COL11A1: variants seen among roughly 807,000 people sequenced by gnomAD.
COL11A1 encodes collagen alpha-1(XI) chain.
Under a neutral mutation model 265.2 loss-of-function variants are expected in COL11A1, and 74 were observed. The observed-to-expected ratio is 0.28, with a 90% CI of 0.23 to 0.34. The LOEUF is 0.34. COL11A1 is among the 10% of genes least tolerant of loss of function. The pLI, the probability that COL11A1 is intolerant of heterozygous loss-of-function variation, is 1.00. For synonymous variants in COL11A1, 816 were observed against 727.6 expected (o/e 1.12, Z -1.96); for missense variants, 2,165 against 2,263.6 (o/e 0.96, Z 0.88).
intron 28 of COL11A1, among the ~76,000 whole-genome samples, chr1:102,991,462 C>G (rs1664123412): frequency 6.6e-6 from 1 of 152,154 alleles, no homozygotes; most frequent in African/African-American, 2.4e-5. Flanking sequence ...CCCTTCTTCA[C>G]TTCTTCAGTC....
chr1:102,971,029 A>AC (rs1553221971), intron 36 of COL11A1, among the ~76,000 whole-genome samples: 25 of 146,794 alleles, frequency 1.7e-4, no homozygotes, highest in African/African-American at 2.5e-4. Flanking sequence ...AAACAAACAA[A>AC]AAAAAACCAA....
At chr1:102,964,543 TAC>T (rs1661214776) in intron 38 of COL11A1, among the ~76,000 whole-genome samples, 2 of 152,038 alleles carry the variant, frequency 1.3e-5, no homozygotes, top group African/African-American at 4.8e-5. Context: ...GCTTCTGTTA[TAC>T]ATATTCCTAA....
At chr1:102,992,710 G>A (rs1394400280) in intron 28 of COL11A1, among the ~76,000 whole-genome samples, 1 of 151,828 alleles carries the variant, frequency 6.6e-6, no homozygotes. Context: ...TTTACTACTT[G>A]ATTGGTATAT....
Position 102,995,891 on chromosome 1 carries a change from T to C in COL11A1, c.2313A>G (p.Arg771=). Residue 771 remains arginine, a synonymous_variant, in exon 28 of 67, where the codon AGA becomes AGG. Coordinates refer to ENST00000370096, the MANE Select transcript of COL11A1 (RefSeq NM_001854.4). ...PRGVKGADGV[R]GLKGSKGEKG... ...TTTCACCTTTAGATCCCTTGAGACC[T>C]CTGACACCATCTGCTCCCTGTGGAA... 6.2e-7 allele frequency: 1 copy of C among 1,611,526 alleles called. No homozygotes were observed. The highest frequency in any genetic ancestry group is 1.1e-5 in the South Asian group (1 of 91,026).
At chr1:102,983,828 C>T (rs1663269766) in intron 31 of COL11A1, among the ~76,000 whole-genome samples, 2 of 149,256 alleles carry the variant, frequency 1.3e-5, no homozygotes, top group Admixed American at 6.7e-5. Context: ...AATCAAAAGC[C>T]GTTATGCATC....
chr1:102,903,189 GA>G (rs950943250), intron 54 of COL11A1, among the ~76,000 whole-genome samples: 111 of 152,022 alleles, frequency 7.3e-4, no homozygotes, highest in African/African-American at 2.6e-3. Context: ...GTCCCTTAAG[GA>G]AATATACATT....
chr1:102,899,212 A>T (rs1378396028), intron 54 of COL11A1, among the ~76,000 whole-genome samples: 2 of 152,118 alleles, frequency 1.3e-5, no homozygotes, highest in Non-Finnish European at 2.9e-5. Context: ...AGTATACAAC[A>T]ATCACTTCAC....
intron 5 of COL11A1, among the ~76,000 whole-genome samples, chr1:103,026,786 A>G (rs530409968): frequency 6.6e-6 from 1 of 152,218 alleles, no homozygotes; most frequent in South Asian, 2.1e-4. Flanking sequence ...TAGTCTTCCT[A>G]AGTATGAAAG....
chr1:102,926,795 A>T (rs1486557980), intron 46 of COL11A1, among the ~76,000 whole-genome samples: 2 of 152,178 alleles, frequency 1.3e-5, no homozygotes, highest in Non-Finnish European at 2.9e-5. Flanking sequence ...AAAGAAAATG[A>T]ATATTAATGT....
chr1:103,104,145 T>C (rs1332813383), intron 1 of COL11A1, among the ~76,000 whole-genome samples: 1 of 152,092 alleles, frequency 6.6e-6, no homozygotes, highest in East Asian at 1.9e-4. Flanking sequence ...ACACCTTTTT[T>C]TAACCTTTTA....
chr1:102,940,596 G>C (rs1278085349), intron 42 of COL11A1, among the ~76,000 whole-genome samples, 162 bp from the exon 43 acceptor site: 1 of 152,090 alleles, frequency 6.6e-6, no homozygotes, highest in Non-Finnish European at 1.5e-5. Context: ...TTGTGACTAA[G>C]AATACTATTT....
chr1:103,083,224 CTGTG>C (rs745323548), intron 1 of COL11A1, among the ~76,000 whole-genome samples: 2 of 103,492 alleles, frequency 1.9e-5, no homozygotes, highest in East Asian at 3.3e-4. Flanking sequence ...GAAGGGGTGT[CTGTG>C]TGTGTGTGTG....
At chr1:102,962,883 C>A (rs889969181) in intron 38 of COL11A1, 123 bp from the exon 39 acceptor site, 10 of 831,544 alleles carry the variant, frequency 1.2e-5, no homozygotes, top group Non-Finnish European at 1.8e-5. Context: ...CTCATGATGT[C>A]CTACAAAACA....
chr1:102,878,082 A>ATTGATCAT lies in COL11A1; in HGVS notation c.5350_5357dup (p.Asn1786LysfsTer2). On this transcript the variant is annotated stop_gained and frameshift_variant, in exon 67 of 67. Coordinates refer to ENST00000370096, the MANE Select transcript of COL11A1 (RefSeq NM_001854.4). LOFTEE classifies it high-confidence loss of function. ...ACTTCTGATTCTGATCACCAAAGTC[A>ATTGATCAT]TTGATCATGACATCAACAATAGGTA... 6.2e-7 allele frequency: 1 copy of ATTGATCAT among 1,613,704 alleles called. No individual in the cohort carries two copies. The highest frequency in any genetic ancestry group is 1.1e-5 in the South Asian group (1 of 91,076).
intron 35 of COL11A1, among the ~76,000 whole-genome samples, chr1:102,977,311 T>C (rs1662589939): frequency 6.6e-6 from 1 of 152,176 alleles, no homozygotes; most frequent in Non-Finnish European, 1.5e-5. Context: ...AAATATGTTC[T>C]TCCTGTATAG....
At chr1:102,951,711 G>C (rs1048440770) in intron 41 of COL11A1, among the ~76,000 whole-genome samples, 7 of 151,992 alleles carry the variant, frequency 4.6e-5, no homozygotes, top group Admixed American at 6.6e-5. Context: ...CTGCACTCCA[G>C]AGCCTGGGCA....
At chr1:102,978,159 G>T (rs10782914) in intron 35 of COL11A1, among the ~76,000 whole-genome samples, 94,812 of 151,896 alleles carry the variant, frequency 0.62, 31,427 homozygotes, top group East Asian at 0.91. Flanking sequence ...GTTATATTTT[G>T]CCAAAAAATC....
intron 62 of COL11A1, 57 bp downstream of exon 62, chr1:102,888,520 A>C (rs1651302702): frequency 6.7e-7 from 1 of 1,502,320 alleles, no homozygotes; most frequent in Admixed American, 1.7e-5. Flanking sequence ...CAGAGAAATC[A>C]TTGGCAGCTT....
intron 28 of COL11A1, among the ~76,000 whole-genome samples, chr1:102,992,717 A>G (rs1336090234): frequency 6.6e-6 from 1 of 152,102 alleles, no homozygotes; most frequent in African/African-American, 2.4e-5. Context: ...CTTGATTGGT[A>G]TATTAGATAG....
Sources: gnomAD v4.1 joint callset for allele counts (sites outside exome capture counted in the v4.1 genomes callset) on GRCh38, gnomAD v4.1.1 for gene constraint, MANE v1.5 for transcripts, NCBI Gene and HGNC (gene_info 2026-07-23, HGNC 2026-07-21) for gene names.